UCHL5: variants seen among roughly 807,000 people sequenced by gnomAD.
UCHL5 encodes ubiquitin C-terminal hydrolase L5, also known as ubiquitin carboxyl-terminal hydrolase isozyme L5.
A neutral mutation model predicts 53.8 loss-of-function variants in UCHL5; 34 were observed. The ratio of observed to expected loss-of-function variants is 0.63; its 90% confidence interval spans 0.48 to 0.84. The LOEUF is 0.84. UCHL5 is among the 40% of genes least tolerant of loss of function. The probability of loss-of-function intolerance (pLI) is 0.00; values close to 1 mark genes in which losing one functional copy is unlikely to be tolerated. For synonymous variants in UCHL5, 111 were observed against 126.3 expected (o/e 0.88, Z 0.81); for missense variants, 290 against 385.6 (o/e 0.75, Z 2.08).
At chr1:193,042,044 T>G (rs1395478100) in intron 3 of UCHL5, among the ~76,000 whole-genome samples, 1 of 151,146 alleles carries the variant, frequency 6.6e-6, no homozygotes, top group Non-Finnish European at 1.5e-5. Context: ...AGGTTGAGGC[T>G]ACAATGAGCT....
intron 3 of UCHL5, among the ~76,000 whole-genome samples, chr1:193,045,162 G>A (rs1666950314): frequency 6.6e-6 from 1 of 152,100 alleles, no homozygotes; most frequent in South Asian, 2.1e-4. Context: ...TCTTAGAGAT[G>A]AACGGTTCGG....
rs1196832333 is a variant in UCHL5 at position 193,012,719 on chromosome 1, ATAC to A, written c.*3629_*3631del. On this transcript the variant is annotated 3_prime_UTR_variant, in exon 11 of 11. Transcript: ENST00000367454. ...CTTTTCCCTATTTTTTTTACCATTCATACTACTATTTGAAAAGTTGTATTACAT... is the reference window on the plus strand; with the variant it reads ...CTTTTCCCTATTTTTTTTACCATTCATACTATTTGAAAAGTTGTATTACAT... 6.6e-6 allele frequency: 1 copy of A among 152,068 alleles called. No individual in the cohort carries two copies. The highest frequency in any genetic ancestry group is 2.4e-5 in the African/African-American group (1 of 41,402). The allele number at this position is 152,068 out of a possible 1,614,324, so 9.4% of individuals were successfully genotyped here. A position where few individuals can be genotyped will look rare whatever the true frequency, so the allele number is the denominator to read the frequency against.
At chr1:193,029,478 A>G in intron 4 of UCHL5, 29 bp from the exon 5 acceptor site, 5 of 1,613,346 alleles carry the variant, frequency 3.1e-6, no homozygotes, top group Non-Finnish European at 3.4e-6. Flanking sequence ...GTAGCCTATT[A>G]ATATACAAAC....
intron 10 of UCHL5, chr1:193,020,452 A>T: frequency 6.5e-7 from 1 of 1,539,162 alleles, no homozygotes; most frequent in Non-Finnish European, 8.8e-7. Flanking sequence ...CCTATATCAG[A>T]ATATCTGGGG....
intron 3 of UCHL5, among the ~76,000 whole-genome samples, chr1:193,038,674 C>G (rs1664486040): frequency 6.6e-6 from 1 of 152,110 alleles, no homozygotes; most frequent in African/African-American, 2.4e-5. Context: ...CCAAAAAACT[C>G]TTGGAACTGA....
Position 193,029,389 on chromosome 1 carries a change from T to C in UCHL5, c.433A>G (p.Arg145Gly). 1 of 1,613,746 alleles carries C rather than the reference T, an allele frequency of 6.2e-7. No homozygotes were observed. Among genetic ancestry groups the C allele is most frequent in the Non-Finnish European group, 8.5e-7 (1 of 1,179,852 alleles). The change falls in exon 5 of 11, where the codon AGA becomes GGA. Residue 145 changes from arginine to glycine, a missense_variant and splice_region_variant. Transcript: ENST00000367454. ...VIRQVHNSFA[R>G]QQMFEFDTKT... ...TTATTTAACATAAAGTCTCTTTACC[T>C]GGCGAAACTGTTGTGTACTTGTCGA... is the stretch of plus-strand genomic sequence containing the variant.
At chr1:193,026,095 A>T (rs1028968284) in intron 7 of UCHL5, among the ~76,000 whole-genome samples, 4 of 152,044 alleles carry the variant, frequency 2.6e-5, no homozygotes, top group Non-Finnish European at 5.9e-5. Flanking sequence ...TAGGCAAAAA[A>T]AAAAAAAAAA....
chr1:193,049,166 A>C (rs1193423451), intron 3 of UCHL5, among the ~76,000 whole-genome samples: 1 of 152,108 alleles, frequency 6.6e-6, no homozygotes, highest in Non-Finnish European at 1.5e-5. Flanking sequence ...TAATCCCAGC[A>C]CTTTGGGAGG....
upstream of UCHL5, chr1:193,059,531 G>C (rs755906052): frequency 6.4e-7 from 1 of 1,565,960 alleles, no homozygotes; most frequent in Non-Finnish European, 8.7e-7. The surrounding 1 kb of genome is among the most constrained non-coding windows in gnomAD (Gnocchi z 4.9). Flanking sequence ...AAGAAAGGGC[G>C]GTGATTCACA....
At chr1:193,054,737 A>C (rs1048494540) in intron 1 of UCHL5, among the ~76,000 whole-genome samples, 1 of 152,208 alleles carries the variant, frequency 6.6e-6, no homozygotes, top group Non-Finnish European at 1.5e-5. Context: ...TCAAAACAAG[A>C]TGAAATGTAC....
At position 193,016,250 on chromosome 1, in the gene UCHL5, T is replaced by C. The variant is rs970553623; in HGVS notation, c.*101A>G. Reference sequence around the variant, plus strand: ...GACAGGCTGGCACTATTGCCAAACGTGCACTGAGCCAATTAGGATGTTGCT... The same window carrying C: ...GACAGGCTGGCACTATTGCCAAACGCGCACTGAGCCAATTAGGATGTTGCT... On this transcript the variant is annotated 3_prime_UTR_variant, in exon 11 of 11. Coordinates refer to ENST00000367454, the MANE Select transcript of UCHL5 (RefSeq NM_001199261.3). 93 of 1,373,238 alleles carry C rather than the reference T, an allele frequency of 6.8e-5. No homozygotes were observed. The highest frequency in any genetic ancestry group is 3.6e-4 in the Middle Eastern group (2 of 5,510). 85.1% of individuals were successfully genotyped at this position (1,373,238 alleles called of 1,614,324 possible).
At position 193,014,260 on chromosome 1, in the gene UCHL5, T is replaced by C. The variant is rs944427047; in HGVS notation, c.*2091A>G. Reference sequence around the variant, plus strand: ...CTTTATTCACAGACAGAAGTAATCATGAAGTATCACAAGGGATTTGCAATC... The same window carrying C: ...CTTTATTCACAGACAGAAGTAATCACGAAGTATCACAAGGGATTTGCAATC... On this transcript the variant is annotated 3_prime_UTR_variant, in exon 11 of 11. Transcript: ENST00000367454. The C allele has an allele frequency of 3.3e-5, 5 of 152,074 alleles. No homozygotes were observed. Among genetic ancestry groups the C allele is most frequent in the African/African-American group, 9.7e-5 (4 of 41,404 alleles). The allele number at this position is 152,074 out of a possible 1,614,324, so 9.4% of individuals were successfully genotyped here.
intron 3 of UCHL5, among the ~76,000 whole-genome samples, chr1:193,042,496 C>T (rs1165532326): frequency 6.6e-6 from 1 of 152,136 alleles, no homozygotes; most frequent in African/African-American, 2.4e-5. Context: ...AGAAAAACAG[C>T]CATCATCATA....
chr1:193,019,276 C>G (rs1308590206), intron 10 of UCHL5, among the ~76,000 whole-genome samples: 1 of 151,508 alleles, frequency 6.6e-6, no homozygotes, highest in African/African-American at 2.4e-5. Flanking sequence ...TTCATTTATT[C>G]CTTTCCCAAA....
chr1:193,040,567 T>C (rs1263955105), intron 3 of UCHL5, among the ~76,000 whole-genome samples: 3 of 152,196 alleles, frequency 2.0e-5, no homozygotes, highest in Non-Finnish European at 2.9e-5. Context: ...GTATAGCTAC[T>C]ATGGAAAACT....
chr1:193,044,336 A>ACATGGAGT (rs1182784396), intron 3 of UCHL5, among the ~76,000 whole-genome samples: 1 of 152,202 alleles, frequency 6.6e-6, no homozygotes, highest in Non-Finnish European at 1.5e-5. Context: ...AAGACTGAAC[A>ACATGGAGT]CATGGAGTCA....
At chr1:193,030,764 T>G (rs1661080872) in intron 3 of UCHL5, among the ~76,000 whole-genome samples, 1 of 152,186 alleles carries the variant, frequency 6.6e-6, no homozygotes, top group South Asian at 2.1e-4. Flanking sequence ...AGAAAAAAAT[T>G]CAATTATTTT....
At chr1:193,021,764 A>G (rs916147717) in intron 9 of UCHL5, among the ~76,000 whole-genome samples, 9 of 152,170 alleles carry the variant, frequency 5.9e-5, no homozygotes, top group African/African-American at 2.2e-4. Context: ...GAAAGTTTCC[A>G]TCTCTTATAA....
chr1:193,026,443 T>G (rs1342660081), intron 7 of UCHL5, among the ~76,000 whole-genome samples: 1 of 152,104 alleles, frequency 6.6e-6, no homozygotes, highest in Non-Finnish European at 1.5e-5. Context: ...AACTTCAGAC[T>G]CAAGAGTCAA....
Sources: gnomAD v4.1 joint callset for allele counts (sites outside exome capture counted in the v4.1 genomes callset) on GRCh38, gnomAD v4.1.1 for gene constraint, Gnocchi (gnomAD v3.1) non-coding constraint, MANE v1.5 for transcripts, NCBI Gene and HGNC (gene_info 2026-07-23, HGNC 2026-07-21) for gene names.